ATP2B2: variants seen among roughly 807,000 people sequenced by gnomAD.
ATP2B2 encodes ATPase plasma membrane Ca2+ transporting 2.
In ATP2B2, 15 loss-of-function variants were observed where a neutral mutation model predicts 120.0. That is an observed-to-expected ratio of 0.12 (90% CI 0.08 to 0.19). The LOEUF (loss-of-function observed/expected upper bound fraction) is 0.19. ATP2B2 is among the 10% of genes least tolerant of loss of function. The probability of loss-of-function intolerance (pLI) is 1.00; values close to 1 mark genes in which losing one functional copy is unlikely to be tolerated. For synonymous variants in ATP2B2, 694 were observed against 700.3 expected, an observed-to-expected ratio of 0.99 and a Z score of 0.14; for missense variants, 1,045 against 1,719.8, an observed-to-expected ratio of 0.61 and a Z score of 6.94.
At chr3:10,436,312 C>T (rs889329026) in intron 2 of ATP2B2, among the ~76,000 whole-genome samples, 3 of 152,362 alleles carry the variant, frequency 2.0e-5, no homozygotes, top group Admixed American at 1.3e-4. Flanking sequence ...TATCTATTCT[C>T]TCTAGTAGAC....
chr3:10,507,074 C>T (rs974809274), upstream of ATP2B2, among the ~76,000 whole-genome samples: 2 of 152,190 alleles, frequency 1.3e-5, no homozygotes, highest in African/African-American at 4.8e-5. Context: ...CCTTAGCCCG[C>T]AGGGTGGCCT....
intron 2 of ATP2B2, among the ~76,000 whole-genome samples, chr3:10,421,309 T>C (rs1575178218): frequency 6.6e-6 from 1 of 152,132 alleles, no homozygotes; most frequent in Non-Finnish European, 1.5e-5. Context: ...TCAGCCTGGG[T>C]CGACTGTTCC....
At chr3:10,418,220 G>T (rs566190764) in intron 2 of ATP2B2, among the ~76,000 whole-genome samples, 1 of 152,230 alleles carries the variant, frequency 6.6e-6, no homozygotes, top group South Asian at 2.1e-4. Context: ...TCCTCTCTTT[G>T]TCTGGATTTC....
At chr3:10,450,992 G>T (rs780180419) in intron 1 of ATP2B2, among the ~76,000 whole-genome samples, 8 of 152,136 alleles carry the variant, frequency 5.3e-5, no homozygotes, top group Admixed American at 2.0e-4. Context: ...GCTGAGAGAA[G>T]GAAGGCAGGA....
rs752661102 is a variant in ATP2B2 at position 10,358,741 on chromosome 3, C to T, written c.2086G>A (p.Glu696Lys). ...CCCACCACGCAGATGCAGGTGAGTT[C>T]GTTGAGGATGTCATTCTCATTGTCC... ...DWDNENDILN[E>K]LTCICVVGIE... Residue 696 changes from glutamate to lysine, a missense_variant, in exon 14 of 23, where the codon GAA becomes AAA. This residue lies in a region of ATP2B2 where 343 missense variants were observed against 536.8 expected (regional missense o/e 0.64). Transcript: ENST00000360273. 5 of 1,614,214 alleles carry T rather than the reference C, an allele frequency of 3.1e-6. No individual in the cohort carries two copies. Among genetic ancestry groups the T allele is most frequent in the East Asian group, 2.2e-5 (1 of 44,876 alleles).
In ATP2B2 at chr3:10,388,329, G is replaced by T. The variant is rs748095326; in HGVS notation, c.855C>A (p.Ile285=). 3.7e-5 allele frequency: 59 copies of T among 1,614,062 alleles called. No homozygotes were observed. The highest frequency in any genetic ancestry group is 4.9e-5 in the Non-Finnish European group (58 of 1,180,042). The change falls in exon 6 of 23, where the codon ATC becomes ATA. Residue 285 remains isoleucine, a synonymous_variant. Transcript: ENST00000360273. ...CACCACCAGCCCCCAGGAGGGTAAA[G>T]ATGATGCCAGTCTGAGAGTTCACAC... The part of the protein sequence containing the change: ...AVGVNSQTGI[I]FTLLGAGGEE...
intron 1 of ATP2B2, among the ~76,000 whole-genome samples, chr3:10,479,223 C>T (rs1377783860): frequency 6.6e-6 from 1 of 152,108 alleles, no homozygotes; most frequent in Non-Finnish European, 1.5e-5. Flanking sequence ...GCCCACTTTG[C>T]TTTTGGGATA....
intron 1 of ATP2B2, among the ~76,000 whole-genome samples, chr3:10,651,453 G>C (rs138314672): frequency 1.4e-4 from 22 of 152,206 alleles, no homozygotes; most frequent in African/African-American, 5.3e-4. Flanking sequence ...CTCTTCTCTT[G>C]TCTGCTGCCA....
At position 10,626,599 on chromosome 3, in the gene ATP2B2, GGA is replaced by G. The variant is rs1170469715; in HGVS notation, c.-459-6640_-459-6639del. The G allele has an allele frequency of 3.3e-5, 5 of 151,786 alleles. No individual in the cohort carries two copies. In the East Asian group the frequency reaches 9.7e-4, roughly 29 times the overall value. The allele number at this position is 151,786 out of a possible 1,614,324, so 9.4% of individuals were successfully genotyped here. ...TGGATGGATGGATGGATGGATGGAT[GGA>G]TGGATGGGTGGATGGATGGATGGAC... On this transcript the variant is annotated intron_variant, in intron 1 of 21. Transcript: ENST00000646379.
chr3:10,385,440 A>AT, intron 7 of ATP2B2, 113 bp from the exon 8 acceptor site: 10 of 909,940 alleles, frequency 1.1e-5, no homozygotes, highest in African/African-American at 3.3e-5. Flanking sequence ...CTTAAAAAAA[A>AT]AAATTATCCT....
chr3:10,560,055 T>C (rs1280539875), intron 2 of ATP2B2, among the ~76,000 whole-genome samples: 1 of 152,188 alleles, frequency 6.6e-6, no homozygotes, highest in Admixed American at 6.5e-5. Flanking sequence ...TCTCAAACCT[T>C]AACAGTTGGC....
At chr3:10,519,535 T>C (rs570252727) in intron 3 of ATP2B2, among the ~76,000 whole-genome samples, 23 of 152,250 alleles carry the variant, frequency 1.5e-4, no homozygotes, top group African/African-American at 5.1e-4. Context: ...GTGAGAGGCG[T>C]TGGAGTTCTA....
intron 2 of ATP2B2, among the ~76,000 whole-genome samples, chr3:10,576,873 G>C (rs1232619175): frequency 1.3e-5 from 2 of 151,972 alleles, no homozygotes; most frequent in African/African-American, 4.8e-5. Flanking sequence ...GACCAGCCTG[G>C]TCAATATGGT....
intron 14 of ATP2B2, among the ~76,000 whole-genome samples, chr3:10,357,760 C>A (rs2060781118): frequency 6.6e-6 from 1 of 152,174 alleles, no homozygotes; most frequent in African/African-American, 2.4e-5. Flanking sequence ...CTGCACGCTG[C>A]CTCATGCCCA....
intron 2 of ATP2B2, among the ~76,000 whole-genome samples, chr3:10,551,471 T>C (rs1200500335): frequency 1.3e-5 from 2 of 152,228 alleles, no homozygotes; most frequent in African/African-American, 4.8e-5. Context: ...CCTGATGCAG[T>C]TCCTTCCTCT....
intron 2 of ATP2B2, among the ~76,000 whole-genome samples, chr3:10,558,254 G>A (rs2067823767): frequency 6.6e-6 from 1 of 152,290 alleles, no homozygotes; most frequent in South Asian, 2.1e-4. Flanking sequence ...CCCAGGATGG[G>A]TATGATTCAT....
chr3:10,574,492 T>C (rs985360370), intron 2 of ATP2B2, among the ~76,000 whole-genome samples: 3 of 152,214 alleles, frequency 2.0e-5, no homozygotes, highest in Admixed American at 6.5e-5. Flanking sequence ...ATTCTCCATA[T>C]CAACCTTTTC....
At chr3:10,498,819 G>T (rs148273737) in intron 1 of ATP2B2, among the ~76,000 whole-genome samples, 3 of 152,146 alleles carry the variant, frequency 2.0e-5, no homozygotes, top group Non-Finnish European at 4.4e-5. Context: ...ACTATGGCAC[G>T]ACTGCTCCCA....
intron 2 of ATP2B2, among the ~76,000 whole-genome samples, chr3:10,540,353 G>A (rs537188168): frequency 3.5e-4 from 54 of 152,240 alleles, no homozygotes; most frequent in Non-Finnish European, 5.6e-4. Flanking sequence ...ATTTGATTCC[G>A]TGATCCCATT....
Sources: gnomAD v4.1 joint callset for allele counts (sites outside exome capture counted in the v4.1 genomes callset) on GRCh38, gnomAD v4.1.1 for gene constraint, gnomAD v4.1.1 regional missense constraint, MANE v1.5 for transcripts, NCBI Gene and HGNC (gene_info 2026-07-23, HGNC 2026-07-21) for gene names.